Variants in MLYCD observed in about 807,000 individuals in gnomAD.
MLYCD encodes malonyl-CoA decarboxylase.
In MLYCD, 27 loss-of-function variants were observed where a neutral mutation model predicts 35.8. The observed-to-expected ratio is 0.75, with a 90% CI of 0.56 to 1.04. The LOEUF (loss-of-function observed/expected upper bound fraction) is 1.04, where lower values mean the gene tolerates loss of function less well. Among genes scored for constraint, MLYCD ranks in the 50% least tolerant of loss-of-function variants. MLYCD has a pLI of 0.00. For missense variants in MLYCD, 917 were observed against 665.1 expected, an observed-to-expected ratio of 1.38 and a Z score of -4.17; for synonymous variants, 403 against 302.4, an observed-to-expected ratio of 1.33 and a Z score of -3.45.
chr16:83,921,677 A>T lies in MLYCD; in HGVS notation c.*6188A>T, dbSNP rs1458104136. ...ACTTCATGGGTGTTACAAACCTCTT[A>T]TCATCTGTTTACGTCTCACTCTTAC... On this transcript the variant is annotated 3_prime_UTR_variant, in exon 5 of 5. Coordinates refer to ENST00000262430, the MANE Select transcript of MLYCD (RefSeq NM_012213.3). 1 of 152,182 alleles carries T rather than the reference A, an allele frequency of 6.6e-6. No individual in the cohort carries two copies. The highest frequency in any genetic ancestry group is 1.5e-5 in the Non-Finnish European group (1 of 68,034). 9.4% of individuals were successfully genotyped at this position (152,182 alleles called of 1,614,324 possible).
chr16:83,923,484 C>T lies in MLYCD; in HGVS notation c.*7995C>T, dbSNP rs891940333. The T allele has an allele frequency of 6.6e-6, 1 of 152,254 alleles. No homozygotes were observed. Among genetic ancestry groups the T allele is most frequent in the Non-Finnish European group, 1.5e-5 (1 of 68,050 alleles). 9.4% of individuals were successfully genotyped at this position (152,254 alleles called of 1,614,324 possible). A position where few individuals can be genotyped will look rare whatever the true frequency, so the allele number is the denominator to read the frequency against. ...CTCGCCTTTGTTTGGTTTATTTCCA[C>T]ATTGCATTTGCGTTTCCCGCCTGGC... On this transcript the variant is annotated 3_prime_UTR_variant, in exon 5 of 5. Transcript: ENST00000262430.
rs554501815 is a variant in MLYCD, at chr16:83,908,915, C to A, written c.798+633C>A. Among the ~76,000 whole-genome samples the A allele has an allele frequency of 2.0e-5, 3 of 152,276 alleles. No individual in the cohort carries two copies. In the East Asian group the frequency reaches 5.8e-4, roughly 29 times the overall value. ...ATAGGTGGCAGGGAGCATGAGACCC[C>A]TGGGGCATTGCAGGTTTGCTCAGAC... On this transcript the variant is annotated intron_variant, in intron 3 of 4. Coordinates refer to ENST00000262430, the MANE Select transcript of MLYCD (RefSeq NM_012213.3).
intron 3 of MLYCD, among the ~76,000 whole-genome samples, chr16:83,909,330 G>A (rs1907090079): frequency 6.6e-6 from 1 of 152,142 alleles, no homozygotes; most frequent in Non-Finnish European, 1.5e-5. Context: ...ATAACCTAGG[G>A]CCCATCAGGA....
rs1300366299 is a variant in MLYCD, at chr16:83,926,970, G to C, written c.*11481G>C. ...GGCCGAGATGGCGCCACTCACTCCA[G>C]CCTGGCGACAGAGCGAGACTACGTC... is the stretch of plus-strand genomic sequence containing the variant. On this transcript the variant is annotated 3_prime_UTR_variant, in exon 5 of 5. Coordinates refer to ENST00000262430, the MANE Select transcript of MLYCD (RefSeq NM_012213.3). The C allele has an allele frequency of 6.6e-6, 1 of 152,182 alleles. No homozygotes were observed. The highest frequency in any genetic ancestry group is 1.5e-5 in the Non-Finnish European group (1 of 68,062). The allele number at this position is 152,182 out of a possible 1,614,324, so 9.4% of individuals were successfully genotyped here.
At position 83,908,271 on chromosome 16, in the gene MLYCD, A is replaced by G. The variant is rs570550620; in HGVS notation, c.787A>G (p.Ser263Gly). 24 of 1,613,984 alleles carry G rather than the reference A, an allele frequency of 1.5e-5. No individual in the cohort carries two copies. The African/African-American group carries it at 3.2e-4, about 22-fold the overall frequency. Reference sequence around the variant, plus strand: ...CGTGGCACTGACTGGTGACATCTCCAGCAACATCCAGGTACCTGCGATGGT... The same window carrying G: ...CGTGGCACTGACTGGTGACATCTCCGGCAACATCCAGGTACCTGCGATGGT... Reference protein sequence around the residue: ...LHVALTGDISSNIQAIVKEHP... With the variant: ...LHVALTGDISGNIQAIVKEHP... Residue 263 changes from serine to glycine, a missense_variant, in exon 3 of 5, where the codon AGC becomes GGC. Physicochemically the swap from Ser to Gly is moderately conservative, Grantham distance 56. Coordinates refer to ENST00000262430, the MANE Select transcript of MLYCD (RefSeq NM_012213.3).
At chr16:83,902,474 T>C (rs912350187) in intron 1 of MLYCD, among the ~76,000 whole-genome samples, 1 of 150,726 alleles carries the variant, frequency 6.6e-6, no homozygotes, top group African/African-American at 2.4e-5. Context: ...TCACTTAATG[T>C]GGTATGATCT....
rs1177089290 is a variant in MLYCD at position 83,923,550 on chromosome 16, C to T, written c.*8061C>T. 6.6e-6 allele frequency: 1 copy of T among 152,260 alleles called. No homozygotes were observed. The highest frequency in any genetic ancestry group is 1.5e-5 in the Non-Finnish European group (1 of 68,050). 9.4% of individuals were successfully genotyped at this position (152,260 alleles called of 1,614,324 possible). On this transcript the variant is annotated 3_prime_UTR_variant, in exon 5 of 5. Coordinates refer to ENST00000262430, the MANE Select transcript of MLYCD (RefSeq NM_012213.3). ...GAGGAAGGCAGAGAGAAACGAGATT[C>T]TCTGCTCTGGGCCAGGCATTCTCTG...
In MLYCD at chr16:83,921,283, G is replaced by T. The variant is rs1907644867; in HGVS notation, c.*5794G>T. 1 of 149,276 alleles carries T rather than the reference G, an allele frequency of 6.7e-6. No homozygotes were observed. The highest frequency in any genetic ancestry group is 2.5e-5 in the African/African-American group (1 of 40,360). The allele number at this position is 149,276 out of a possible 1,614,324, so 9.2% of individuals were successfully genotyped here. ...GGGTGGGTGGATGTTTGGATGGATG[G>T]TGGAGGGCAGAGTGTTAATGGAAGG... On this transcript the variant is annotated 3_prime_UTR_variant, in exon 5 of 5. Coordinates refer to ENST00000262430, the MANE Select transcript of MLYCD (RefSeq NM_012213.3).
At chr16:83,903,061 G>A (rs887487246) in intron 1 of MLYCD, among the ~76,000 whole-genome samples, 9 of 152,134 alleles carry the variant, frequency 5.9e-5, no homozygotes, top group African/African-American at 2.2e-4. Flanking sequence ...AAACCGAGTC[G>A]AATCCCCAGT....
intron 3 of MLYCD, among the ~76,000 whole-genome samples, chr16:83,909,458 T>A (rs1363452848): frequency 6.6e-6 from 1 of 152,180 alleles, no homozygotes; most frequent in African/African-American, 2.4e-5. Context: ...CTTGACTTAC[T>A]CTTGAGTAGA....
At chr16:83,914,506 TC>T in intron 4 of MLYCD, 1 of 261,490 alleles carries the variant, frequency 3.8e-6, no homozygotes, top group Non-Finnish European at 7.5e-6. Flanking sequence ...TTTAGGCAAG[TC>T]CCCCAACACT....
rs1291073382 is a variant in MLYCD at position 83,921,739 on chromosome 16, C to A, written c.*6250C>A. 1 of 152,214 alleles carries A rather than the reference C, an allele frequency of 6.6e-6. No homozygotes were observed. Among genetic ancestry groups the A allele is most frequent in the African/African-American group, 2.4e-5 (1 of 41,434 alleles). The allele number at this position is 152,214 out of a possible 1,614,324, so 9.4% of individuals were successfully genotyped here. ...TAGAAAGGCAGGTGGCTTCCAGCTC[C>A]TCGCTTTTCCTGAGGGATGATCTGA... On this transcript the variant is annotated 3_prime_UTR_variant, in exon 5 of 5. Transcript: ENST00000262430.
At position 83,899,475 on chromosome 16, in the gene MLYCD, C is replaced by T. The variant is rs1906697403; in HGVS notation, c.331C>T (p.His111Tyr). Residue 111 changes from histidine to tyrosine, a missense_variant, in exon 1 of 5, where the codon CAT (histidine) becomes TAT (tyrosine). His to Tyr is a moderately conservative substitution (Grantham distance 83). Transcript: ENST00000262430. The stretch of plus-strand genomic sequence containing the variant: ...GGCGGAGCAGAGCGCCGGCGTGCTC[C>T]ATCTGCGCCAGCAGCAGCGGGAGGC... ...QVAEQSAGVL[H>Y]LRQQQREAAV... 3.9e-6 allele frequency: 6 copies of T among 1,554,920 alleles called. No homozygotes were observed. Among genetic ancestry groups the T allele is most frequent in the Non-Finnish European group, 3.4e-6 (4 of 1,160,994 alleles).
In MLYCD at chr16:83,925,994, G is replaced by A. The variant is rs749423304; in HGVS notation, c.*10505G>A. On this transcript the variant is annotated 3_prime_UTR_variant, in exon 5 of 5. Coordinates refer to ENST00000262430, the MANE Select transcript of MLYCD (RefSeq NM_012213.3). ...AGGGACCCTGCTTCGCTTCTGGCCC[G>A]AGGTGGCTGCAGGGTCTGCAAGATC... The A allele has an allele frequency of 2.0e-5, 3 of 152,308 alleles. No individual in the cohort carries two copies. Among genetic ancestry groups the A allele is most frequent in the Non-Finnish European group, 2.9e-5 (2 of 68,108 alleles). 9.4% of individuals were successfully genotyped at this position (152,308 alleles called of 1,614,324 possible).
chr16:83,910,885 C>T (rs1305889220), intron 3 of MLYCD, among the ~76,000 whole-genome samples: 1 of 152,228 alleles, frequency 6.6e-6, no homozygotes, highest in Non-Finnish European at 1.5e-5. Context: ...GTTGGAGTCA[C>T]AGACCCTGTT....
rs772670485 is a variant in MLYCD at position 83,915,398 on chromosome 16, A to C, written c.1391A>C (p.Asn464Thr). Residue 464 changes from asparagine to threonine, a missense_variant, in exon 5 of 5, where the codon AAC becomes ACC. Physicochemically the swap from Asn to Thr is moderately conservative, Grantham distance 65. Transcript: ENST00000262430. ...YRYFLEETGP[N>T]STSYLGSKII... is the part of the protein sequence containing the mutation. ...TACTTCCTGGAGGAGACGGGCCCCA[A>C]CAGCACCTCCTACCTCGGCTCCAAG... is the stretch of plus-strand genomic sequence containing the variant. The C allele has an allele frequency of 1.2e-6, 2 of 1,613,906 alleles. No individual in the cohort carries two copies. Among genetic ancestry groups the C allele is most frequent in the Non-Finnish European group, 1.7e-6 (2 of 1,180,044 alleles).
Position 83,915,815 on chromosome 16 carries a change from A to G in MLYCD, c.*326A>G, listed in dbSNP as rs774154358. On this transcript the variant is annotated 3_prime_UTR_variant, in exon 5 of 5. Transcript: ENST00000262430. ...TACCTACATCTTCAGGAAGCTGTGC[A>G]GCCTCTGCCATTGCCATCCCAGGGG... is the stretch of plus-strand genomic sequence containing the variant. 7 of 1,253,072 alleles carry G rather than the reference A, an allele frequency of 5.6e-6. No homozygotes were observed. Among genetic ancestry groups the G allele is most frequent in the Non-Finnish European group, 6.1e-6 (6 of 985,998 alleles). The allele number at this position is 1,253,072 out of a possible 1,614,324, so 77.6% of individuals were successfully genotyped here.
intron 2 of MLYCD, 29 bp from the exon 3 acceptor site, chr16:83,908,097 G>A: frequency 6.2e-7 from 1 of 1,613,964 alleles, no homozygotes; most frequent in Non-Finnish European, 8.5e-7. Context: ...TTATGCATTT[G>A]TCTTGTCTCT....
At chr16:83,912,885 G>A (rs1907231299) in intron 4 of MLYCD, 1 of 198,192 alleles carries the variant, frequency 5.0e-6, no homozygotes, top group Admixed American at 5.3e-5. Flanking sequence ...AAATGCATCG[G>A]CTTTTAATCT....
Sources: allele counts gnomAD v4.1 joint callset (sites outside exome capture counted in the v4.1 genomes callset), GRCh38; gene constraint gnomAD v4.1.1; transcripts MANE v1.5; gene names NCBI Gene and HGNC (gene_info 2026-07-23, HGNC 2026-07-21).